The following ZFYVE9 variants were observed in gnomAD, a reference collection of about 807,000 sequenced individuals.
ZFYVE9 encodes zinc finger FYVE-type containing 9.
Under a neutral mutation model 126.7 loss-of-function variants are expected in ZFYVE9, and 43 were observed. The observed-to-expected ratio is 0.34, with a 90% CI of 0.27 to 0.44. The LOEUF is 0.44. Ranked by LOEUF, ZFYVE9 falls within the 20% of genes least tolerant of loss-of-function variation. ZFYVE9 has a pLI of 1.00. For missense variants in ZFYVE9, 1,476 were observed against 1,697.0 expected (o/e 0.87, Z 2.29); for synonymous variants, 521 against 597.4 (o/e 0.87, Z 1.87).
chr1:52,337,319 T>A (rs1646398777), intron 15 of ZFYVE9, among the ~76,000 whole-genome samples: 1 of 152,226 alleles, frequency 6.6e-6, no homozygotes, highest in Non-Finnish European at 1.5e-5. Flanking sequence ...TAAATGGATT[T>A]ATCTCCAAGC....
chr1:52,326,568 G>A (rs557191162), intron 13 of ZFYVE9, among the ~76,000 whole-genome samples: 1 of 152,014 alleles, frequency 6.6e-6, no homozygotes, highest in Non-Finnish European at 1.5e-5. Context: ...TTGGTCGAAG[G>A]CCAGGCATGG....
At chr1:52,226,710 A>G (rs1319798158) in intron 2 of ZFYVE9, among the ~76,000 whole-genome samples, 1 of 152,216 alleles carries the variant, frequency 6.6e-6, no homozygotes, top group Non-Finnish European at 1.5e-5. Context: ...TTAGGGAGAC[A>G]TGAGACATCA....
chr1:52,249,157 A>G (rs1232235225), intron 4 of ZFYVE9, among the ~76,000 whole-genome samples: 7 of 152,080 alleles, frequency 4.6e-5, no homozygotes, highest in Admixed American at 2.6e-4. Flanking sequence ...GCCTTTTGTC[A>G]TGATTGTAAG....
intron 1 of ZFYVE9, among the ~76,000 whole-genome samples, chr1:52,187,831 G>A (rs1448845768): frequency 6.6e-6 from 1 of 152,172 alleles, no homozygotes; most frequent in Non-Finnish European, 1.5e-5. Flanking sequence ...TGGAGAAAAG[G>A]GAATTCTTAT....
At chr1:52,274,621 T>C (rs1421332791) in intron 8 of ZFYVE9, 37 bp downstream of exon 8, 5 of 1,546,862 alleles carry the variant, frequency 3.2e-6, no homozygotes, top group Non-Finnish European at 4.4e-6. Flanking sequence ...GATAGTTCTA[T>C]CTGCCAAATG....
At chr1:52,278,956 G>A (rs1008726919) in intron 9 of ZFYVE9, among the ~76,000 whole-genome samples, 3 of 151,660 alleles carry the variant, frequency 2.0e-5, no homozygotes, top group Non-Finnish European at 4.4e-5. Context: ...AGCCAGGATG[G>A]TCTTGATCTC....
Position 52,346,326 on chromosome 1 carries a change from TA to T in ZFYVE9, c.*107del. ...AAGATTAAGCTTTTGTTAACACTAT[TA>T]ATGGGGTGGGGAATAGGGTGGGAGT... On this transcript the variant is annotated 3_prime_UTR_variant, in exon 19 of 19. Coordinates refer to ENST00000287727, the MANE Select transcript of ZFYVE9 (RefSeq NM_004799.4). 1.2e-5 allele frequency: 10 copies of T among 837,014 alleles called. No individual in the cohort carries two copies. The highest frequency in any genetic ancestry group is 4.8e-5 in the South Asian group (2 of 41,826). The allele number at this position is 837,014 out of a possible 1,614,324, so 51.8% of individuals were successfully genotyped here. A position where few individuals can be genotyped will look rare whatever the true frequency, so the allele number is the denominator to read the frequency against.
At chr1:52,254,734 A>G (rs1258039123) in intron 4 of ZFYVE9, among the ~76,000 whole-genome samples, 1 of 152,180 alleles carries the variant, frequency 6.6e-6, no homozygotes, top group African/African-American at 2.4e-5. Flanking sequence ...TGGGAGGCCA[A>G]GGTGAGAGGA....
intron 15 of ZFYVE9, among the ~76,000 whole-genome samples, chr1:52,335,991 A>G (rs771610802): frequency 3.5e-4 from 53 of 152,088 alleles, no homozygotes; most frequent in Non-Finnish European, 5.7e-4. Flanking sequence ...AAAAACAGCC[A>G]AGCGTGGTGG....
chr1:52,181,240 G>A (rs1007742067), intron 1 of ZFYVE9, among the ~76,000 whole-genome samples: 1 of 152,178 alleles, frequency 6.6e-6, no homozygotes, highest in Non-Finnish European at 1.5e-5. Context: ...GCGCTGCCAC[G>A]CCTGACTGGT....
At chr1:52,178,329 C>CT (rs796749185) in intron 1 of ZFYVE9, among the ~76,000 whole-genome samples, 2,973 of 114,308 alleles carry the variant, frequency 0.026, 98 homozygotes, top group African/African-American at 0.07. Context: ...CATATTTGGG[C>CT]TTTTTTTTTT....
intron 4 of ZFYVE9, among the ~76,000 whole-genome samples, chr1:52,257,951 T>G (rs964403147): frequency 6.6e-6 from 1 of 152,152 alleles, no homozygotes; most frequent in Non-Finnish European, 1.5e-5. Flanking sequence ...GGTCTCAAAC[T>G]CCTGACCTCA....
intron 1 of ZFYVE9, among the ~76,000 whole-genome samples, chr1:52,198,494 A>G (rs552745905): frequency 6.6e-6 from 1 of 152,204 alleles, no homozygotes; most frequent in African/African-American, 2.4e-5. Context: ...TGTTCTTTTC[A>G]AATTTGATGT....
At chr1:52,285,694 AT>A (rs1467656269) in intron 10 of ZFYVE9, among the ~76,000 whole-genome samples, 1 of 152,218 alleles carries the variant, frequency 6.6e-6, no homozygotes, top group Non-Finnish European at 1.5e-5. Context: ...GGTGAGTTGT[AT>A]AATTATTTCA....
In ZFYVE9 at chr1:52,276,684, A is replaced by G. The variant is rs143757000; in HGVS notation, c.2747-1808A>G. On this transcript the variant is annotated intron_variant, in intron 8 of 18. Coordinates refer to ENST00000287727, the MANE Select transcript of ZFYVE9 (RefSeq NM_004799.4). ...TGTAGACTTCCTGAAGAACTCCTCAACCTTTTAAAATCCAGCTTAATGGTT... is the reference window on the plus strand; with the variant it reads ...TGTAGACTTCCTGAAGAACTCCTCAGCCTTTTAAAATCCAGCTTAATGGTT... Among the ~76,000 whole-genome samples the G allele has an allele frequency of 3.9e-3, 601 of 152,216 alleles. 7 individuals are homozygous for G. The highest frequency in any genetic ancestry group is 5.9e-3 in the Non-Finnish European group (403 of 68,004).
intron 4 of ZFYVE9, among the ~76,000 whole-genome samples, chr1:52,239,911 T>C (rs1645316798): frequency 1.3e-5 from 2 of 152,366 alleles, no homozygotes; most frequent in Admixed American, 1.3e-4. Context: ...ATAAGGAAGT[T>C]ATTCTTTCAG....
intron 7 of ZFYVE9, among the ~76,000 whole-genome samples, chr1:52,273,818 C>CAAAAA (rs61193193): frequency 6.6e-5 from 5 of 75,576 alleles, no homozygotes; most frequent in Non-Finnish European, 9.0e-5. Flanking sequence ...GACTCCTTCT[C>CAAAAA]AAAAAAAAAA....
intron 1 of ZFYVE9, among the ~76,000 whole-genome samples, chr1:52,196,770 CATTT>C (rs1373403233): frequency 5.3e-5 from 8 of 152,188 alleles, no homozygotes; most frequent in African/African-American, 1.9e-4. Flanking sequence ...AAAATCTCAG[CATTT>C]ATTCACATGG....
intron 4 of ZFYVE9, among the ~76,000 whole-genome samples, chr1:52,244,458 T>G (rs111659299): frequency 6.6e-6 from 1 of 152,126 alleles, no homozygotes; most frequent in African/African-American, 2.4e-5. Flanking sequence ...TTTATGAAGT[T>G]AGTGGTGAGA....
Sources: gnomAD v4.1 joint callset for allele counts (sites outside exome capture counted in the v4.1 genomes callset) on GRCh38, gnomAD v4.1.1 for gene constraint, MANE v1.5 for transcripts, NCBI Gene and HGNC (gene_info 2026-07-23, HGNC 2026-07-21) for gene names.